ZRANB3: variants seen among roughly 807,000 people sequenced by gnomAD.
ZRANB3 encodes zinc finger RANBP2-type containing 3.
A neutral mutation model predicts 133.8 loss-of-function variants in ZRANB3; 125 were observed. The observed-to-expected ratio is 0.93, with a 90% CI of 0.81 to 1.08. The LOEUF is 1.08. ZRANB3 is among the 50% of genes least tolerant of loss of function. The pLI is 0.00. For missense variants in ZRANB3, 1,229 were observed against 1,275.5 expected, an observed-to-expected ratio of 0.96 and a Z score of 0.56; for synonymous variants, 387 against 432.7, an observed-to-expected ratio of 0.89 and a Z score of 1.31.
chr2:135,503,205 G>A (rs1487983154), intron 2 of ZRANB3, among the ~76,000 whole-genome samples: 2 of 152,060 alleles, frequency 1.3e-5, no homozygotes, highest in African/African-American at 4.8e-5. Context: ...TACGAATTCT[G>A]GTTAATCATA....
chr2:135,208,137 T>G (rs1693955593), intron 18 of ZRANB3, among the ~76,000 whole-genome samples: 1 of 152,210 alleles, frequency 6.6e-6, no homozygotes, highest in East Asian at 1.9e-4. Flanking sequence ...TAGAAAATGC[T>G]TCTTCAGGCT....
At chr2:135,527,004 T>G (rs1387079658) in intron 1 of ZRANB3, among the ~76,000 whole-genome samples, 1 of 152,194 alleles carries the variant, frequency 6.6e-6, no homozygotes, top group East Asian at 1.9e-4. Flanking sequence ...CCCGCCTTTC[T>G]AAACCAAACC....
intron 5 of ZRANB3, among the ~76,000 whole-genome samples, chr2:135,349,448 A>C (rs969451465): frequency 6.6e-6 from 1 of 152,202 alleles, no homozygotes; most frequent in Non-Finnish European, 1.5e-5. Flanking sequence ...CCCATCTCTT[A>C]GAGTAGCAAA....
intron 2 of ZRANB3, among the ~76,000 whole-genome samples, chr2:135,437,977 T>C (rs1484139255): frequency 6.6e-6 from 1 of 152,130 alleles, no homozygotes; most frequent in African/African-American, 2.4e-5. Flanking sequence ...AGGAAGGGTG[T>C]ATCTGATGTC....
intron 12 of ZRANB3, among the ~76,000 whole-genome samples, chr2:135,239,898 C>T (rs1695476191): frequency 2.0e-5 from 3 of 151,698 alleles, no homozygotes; most frequent in South Asian, 2.1e-4. Context: ...GCAGAAGAAC[C>T]GCTCAAACCT....
chr2:135,408,225 T>C (rs1432958510), intron 2 of ZRANB3, among the ~76,000 whole-genome samples: 1 of 151,984 alleles, frequency 6.6e-6, no homozygotes, highest in Admixed American at 6.6e-5. Context: ...CATGAAAAAA[T>C]GCTCATCATC....
At chr2:135,205,819 T>G (rs947793315) in intron 19 of ZRANB3, among the ~76,000 whole-genome samples, 21 of 152,342 alleles carry the variant, frequency 1.4e-4, no homozygotes, top group African/African-American at 4.8e-4. Context: ...TGAGTGTATA[T>G]ACACATACAT....
chr2:135,476,579 G>C (rs1357546677), intron 2 of ZRANB3, among the ~76,000 whole-genome samples: 1 of 151,528 alleles, frequency 6.6e-6, no homozygotes, highest in East Asian at 1.9e-4. Flanking sequence ...AGGCAGTACT[G>C]TACTTTGTAC....
intron 2 of ZRANB3, among the ~76,000 whole-genome samples, chr2:135,465,410 C>T (rs1386052296): frequency 6.6e-6 from 1 of 151,874 alleles, no homozygotes; most frequent in Non-Finnish European, 1.5e-5. Flanking sequence ...GTAAACATTT[C>T]CCCCTTAACT....
intron 6 of ZRANB3, among the ~76,000 whole-genome samples, chr2:135,332,355 C>A (rs1684187618): frequency 6.6e-6 from 1 of 152,074 alleles, no homozygotes; most frequent in Non-Finnish European, 1.5e-5. Context: ...TATTTAAAAA[C>A]CTGCTCCCCT....
Position 135,463,326 on chromosome 2 carries a change from A to G in ZRANB3, c.161+41003T>C, listed in dbSNP as rs1690842792. Among the ~76,000 whole-genome samples the G allele has an allele frequency of 2.6e-5, 4 of 152,312 alleles. No homozygotes were observed. In the South Asian group the frequency reaches 8.3e-4, roughly 32 times the overall value. On this transcript the variant is annotated intron_variant, in intron 2 of 20. Coordinates refer to ENST00000264159, the MANE Select transcript of ZRANB3 (RefSeq NM_032143.4). ...CTCTTCTGTTTTATATATATAAAACATTTAAAACAATGTTTTGGAAGGATG... is the reference window on the plus strand; with the variant it reads ...CTCTTCTGTTTTATATATATAAAACGTTTAAAACAATGTTTTGGAAGGATG...
chr2:135,323,387 A>T (rs1192232668), intron 6 of ZRANB3, among the ~76,000 whole-genome samples: 1 of 152,204 alleles, frequency 6.6e-6, no homozygotes, highest in Non-Finnish European at 1.5e-5. Context: ...TTAACATAAC[A>T]GAGGGAGATA....
intron 8 of ZRANB3, among the ~76,000 whole-genome samples, chr2:135,302,433 T>A (rs1245925780): frequency 2.0e-5 from 3 of 152,180 alleles, no homozygotes; most frequent in African/African-American, 7.2e-5. Flanking sequence ...TAGGGACAAC[T>A]ACTTTTCATC....
chr2:135,375,856 C>CA lies in ZRANB3; in HGVS notation c.180+14945dup, dbSNP rs551172839. ...GGGCAACAAGAGCGAAACTCCATCT[C>CA]AAAAAAAAAAAAATATTGTCTTACC... On this transcript the variant is annotated intron_variant, in intron 3 of 20. Transcript: ENST00000264159. Among the ~76,000 whole-genome samples the CA allele has an allele frequency of 4.0e-3, 547 of 137,484 alleles. 3 individuals are homozygous for CA. The highest frequency in any genetic ancestry group is 0.012 in the South Asian group (51 of 4,378). The allele number at this position is 137,484 out of a possible 152,430, so 90.2% of individuals were successfully genotyped here.
intron 2 of ZRANB3, among the ~76,000 whole-genome samples, chr2:135,484,481 A>G (rs934102236): frequency 7.2e-5 from 11 of 152,220 alleles, no homozygotes; most frequent in Middle Eastern, 3.4e-3. Context: ...CACAATATAC[A>G]TATCCAGAAA....
chr2:135,376,298 T>C (rs1686425950), intron 3 of ZRANB3, among the ~76,000 whole-genome samples: 1 of 152,206 alleles, frequency 6.6e-6, no homozygotes, highest in Non-Finnish European at 1.5e-5. Flanking sequence ...TGTGGTACTA[T>C]CTTATGGCAG....
chr2:135,452,716 C>G (rs950463346), intron 2 of ZRANB3, among the ~76,000 whole-genome samples: 2 of 152,240 alleles, frequency 1.3e-5, no homozygotes, highest in Admixed American at 1.3e-4. Context: ...CCAGGTCATG[C>G]TGATACAAGA....
intron 12 of ZRANB3, among the ~76,000 whole-genome samples, chr2:135,237,115 C>T (rs1331877252): frequency 9.2e-5 from 14 of 152,144 alleles, no homozygotes; most frequent in East Asian, 5.8e-4. Context: ...ACAACCCCAT[C>T]GACAAGTGGG....
At chr2:135,341,320 CAGA>C (rs1355170776) in intron 6 of ZRANB3, among the ~76,000 whole-genome samples, 2 of 149,974 alleles carry the variant, frequency 1.3e-5, no homozygotes, top group East Asian at 1.9e-4. Context: ...GAAGCCACAG[CAGA>C]AGAACATAAA....
Sources: gnomAD v4.1 joint callset for allele counts (sites outside exome capture counted in the v4.1 genomes callset) on GRCh38, gnomAD v4.1.1 for gene constraint, MANE v1.5 for transcripts, NCBI Gene and HGNC (gene_info 2026-07-23, HGNC 2026-07-21) for gene names.